FCHSD2: variants seen among roughly 807,000 people sequenced by gnomAD.
FCHSD2 encodes the protein FCH and double SH3 domains 2.
In FCHSD2, 38 loss-of-function variants were observed where a neutral mutation model predicts 108.1. That is an observed-to-expected ratio of 0.35 (90% CI 0.27 to 0.46). The LOEUF (loss-of-function observed/expected upper bound fraction) is 0.46. FCHSD2 is among the 20% of genes least tolerant of loss of function. FCHSD2 has a pLI of 1.00. For synonymous variants in FCHSD2, 279 were observed against 314.7 expected (o/e 0.89, Z 1.20); for missense variants, 751 against 897.8 (o/e 0.84, Z 2.09).
chr11:73,060,651 T>C (rs944515632), intron 3 of FCHSD2, among the ~76,000 whole-genome samples: 4 of 152,060 alleles, frequency 2.6e-5, no homozygotes, highest in Admixed American at 1.3e-4. Flanking sequence ...AAAACACTTA[T>C]GAATGAGAGA....
intron 3 of FCHSD2, among the ~76,000 whole-genome samples, chr11:73,029,489 T>C (rs1309452528): frequency 6.6e-6 from 1 of 152,192 alleles, no homozygotes; most frequent in Non-Finnish European, 1.5e-5. Flanking sequence ...CCCTGGCCCA[T>C]TGGCAGGCAG....
chr11:73,088,843 A>C (rs1256898288), intron 2 of FCHSD2, among the ~76,000 whole-genome samples: 2 of 152,170 alleles, frequency 1.3e-5, no homozygotes, highest in African/African-American at 2.4e-5. Flanking sequence ...GGATTTTTTT[A>C]TATTTCACAA....
chr11:73,033,313 T>C (rs919378464), intron 3 of FCHSD2, among the ~76,000 whole-genome samples: 2 of 150,166 alleles, frequency 1.3e-5, no homozygotes, highest in East Asian at 3.9e-4. Flanking sequence ...GTAGTTAGAC[T>C]ACAGTCAGGG....
At chr11:73,113,527 C>T (rs769260435) in intron 2 of FCHSD2, among the ~76,000 whole-genome samples, 2 of 151,976 alleles carry the variant, frequency 1.3e-5, no homozygotes, top group Non-Finnish European at 2.9e-5. Flanking sequence ...TGCCACCACG[C>T]CCAGCTAGTT....
intron 3 of FCHSD2, among the ~76,000 whole-genome samples, chr11:73,045,919 A>G (rs911276957): frequency 2.0e-5 from 3 of 152,134 alleles, no homozygotes; most frequent in Non-Finnish European, 4.4e-5. Flanking sequence ...AAGTATAATA[A>G]TAAAAGAAAA....
At chr11:72,974,309 T>C (rs1857065764) in intron 8 of FCHSD2, among the ~76,000 whole-genome samples, 1 of 152,178 alleles carries the variant, frequency 6.6e-6, no homozygotes, top group African/African-American at 2.4e-5. Flanking sequence ...AAACTTTTCC[T>C]TTTATCAGGA....
At chr11:72,910,422 T>C (rs1355831051) in intron 9 of FCHSD2, among the ~76,000 whole-genome samples, 1 of 152,162 alleles carries the variant, frequency 6.6e-6, no homozygotes, top group Non-Finnish European at 1.5e-5. Context: ...GATCAGATTG[T>C]TACTGTGTCT....
rs541197477 is a variant in FCHSD2, at chr11:72,989,327, T to C, written c.388-230A>G. On this transcript the variant is annotated intron_variant, in intron 5 of 19. Coordinates refer to ENST00000409418, the MANE Select transcript of FCHSD2 (RefSeq NM_014824.3). ...TCACAGTTTGCCTAACAACCATACA[T>C]TGAGAAATAACCCGAGTGCTGCTGA... Among the ~76,000 whole-genome samples, 10 of 152,224 alleles carry C rather than the reference T, an allele frequency of 6.6e-5. No individual in the cohort carries two copies. The South Asian group carries it at 1.7e-3, about 25-fold the overall frequency.
intron 12 of FCHSD2, among the ~76,000 whole-genome samples, chr11:72,875,338 A>G (rs1405975599): frequency 6.6e-6 from 1 of 152,216 alleles, no homozygotes; most frequent in Non-Finnish European, 1.5e-5. Context: ...CTAGGGGTCA[A>G]TATTATAAAC....
At chr11:73,003,592 T>C (rs894175812) in intron 4 of FCHSD2, among the ~76,000 whole-genome samples, 2 of 149,948 alleles carry the variant, frequency 1.3e-5, no homozygotes, top group Non-Finnish European at 3.0e-5. Context: ...GTTCACGCCA[T>C]TCTCCTGCCT....
At position 72,972,086 on chromosome 11, in the gene FCHSD2, TTTC is replaced by T. The variant is rs1420104433; in HGVS notation, c.705+11999_705+12001del. On this transcript the variant is annotated intron_variant, in intron 8 of 19. Coordinates refer to ENST00000409418, the MANE Select transcript of FCHSD2 (RefSeq NM_014824.3). ...TAAAAAGAGTTAATCTCTTTAAAAT[TTTC>T]TTCTTATGCCTCTTGTCACCCTATA... is the stretch of plus-strand genomic sequence containing the variant. Among the ~76,000 whole-genome samples, 5 of 152,332 alleles carry T rather than the reference TTTC, an allele frequency of 3.3e-5. 1 individual carries two copies. The highest frequency in any genetic ancestry group is 1.2e-4 in the African/African-American group (5 of 41,580).
intron 3 of FCHSD2, among the ~76,000 whole-genome samples, chr11:73,081,022 G>C (rs1859671045): frequency 6.6e-6 from 1 of 152,064 alleles, no homozygotes; most frequent in South Asian, 2.1e-4. Context: ...AACCAAAGTA[G>C]ACATCCACTT....
intron 2 of FCHSD2, among the ~76,000 whole-genome samples, chr11:73,121,854 T>C (rs753039718): frequency 1.3e-5 from 2 of 152,188 alleles, no homozygotes; most frequent in Admixed American, 6.6e-5. Context: ...AGATTAGGGA[T>C]AAGCCTACAA....
chr11:72,888,515 C>T (rs558449480), intron 11 of FCHSD2, among the ~76,000 whole-genome samples: 6 of 151,878 alleles, frequency 4.0e-5, no homozygotes, highest in Admixed American at 2.0e-4. Context: ...AAGAATGAGA[C>T]GGATATAGGT....
At chr11:73,104,553 A>G (rs1185121788) in intron 2 of FCHSD2, among the ~76,000 whole-genome samples, 4 of 150,502 alleles carry the variant, frequency 2.7e-5, no homozygotes, top group Non-Finnish European at 3.0e-5. Context: ...GAGCCACCAC[A>G]CCTGGCCAAA....
At chr11:73,131,524 G>A (rs1304948846) in intron 2 of FCHSD2, among the ~76,000 whole-genome samples, 1 of 151,298 alleles carries the variant, frequency 6.6e-6, no homozygotes, top group African/African-American at 2.4e-5. Flanking sequence ...GTGAGACTTC[G>A]TCTCAAAAAA....
At chr11:72,921,196 T>A (rs953738674) in intron 9 of FCHSD2, among the ~76,000 whole-genome samples, 27 of 152,230 alleles carry the variant, frequency 1.8e-4, no homozygotes, top group African/African-American at 6.5e-4. Flanking sequence ...AAAAAACATT[T>A]GCCAACCACA....
intron 3 of FCHSD2, among the ~76,000 whole-genome samples, chr11:73,024,143 T>A (rs989339719): frequency 1.3e-5 from 2 of 152,090 alleles, no homozygotes; most frequent in African/African-American, 4.8e-5. Context: ...AGACAAAGAA[T>A]GACTCTTAAT....
At chr11:72,931,810 C>T (rs1181814250) in intron 8 of FCHSD2, among the ~76,000 whole-genome samples, 1 of 152,144 alleles carries the variant, frequency 6.6e-6, no homozygotes, top group Non-Finnish European at 1.5e-5. Flanking sequence ...CAGTATCCAA[C>T]AAACATCTGT....
Sources: allele counts gnomAD v4.1 joint callset (sites outside exome capture counted in the v4.1 genomes callset), GRCh38; gene constraint gnomAD v4.1.1; transcripts MANE v1.5; gene names NCBI Gene and HGNC (gene_info 2026-07-23, HGNC 2026-07-21).